The following COX11 variants were observed in gnomAD, a reference collection of about 807,000 sequenced individuals.
COX11 encodes cytochrome c oxidase assembly protein COX11, mitochondrial.
In COX11, 18 loss-of-function variants were observed where a neutral mutation model predicts 29.4. The observed-to-expected ratio is 0.61, with a 90% CI of 0.42 to 0.91. The LOEUF is 0.91. Among genes scored for constraint, COX11 ranks in the 40% least tolerant of loss-of-function variants. The pLI is 0.00. For missense variants in COX11, 312 were observed against 346.0 expected (o/e 0.90, Z 0.78); for synonymous variants, 131 against 124.0 (o/e 1.06, Z -0.38).
chr17:54,964,039 G>C (rs2077177890), intron 2 of COX11, among the ~76,000 whole-genome samples: 2 of 152,100 alleles, frequency 1.3e-5, no homozygotes, highest in African/African-American at 4.8e-5. Flanking sequence ...TTTATTAAGA[G>C]ATTCAGTCAT....
intron 1 of COX11, among the ~76,000 whole-genome samples, chr17:54,966,204 A>G (rs539299032): frequency 5.9e-5 from 9 of 152,332 alleles, no homozygotes; most frequent in African/African-American, 1.9e-4. Flanking sequence ...GTCCTCCCTC[A>G]ATAAAGATTC....
At chr17:54,963,278 A>G (rs1231127167) in intron 3 of COX11, 28 bp downstream of exon 3, 1 of 1,598,070 alleles carries the variant, frequency 6.3e-7, no homozygotes, top group Non-Finnish European at 8.5e-7. Flanking sequence ...TCTTTATCAT[A>G]TTCTGTAAAG....
At chr17:54,958,748 A>AG (rs57608062), downstream of COX11, among the ~76,000 whole-genome samples, 9 of 118,928 alleles carry the variant, frequency 7.6e-5, 2 homozygotes, top group African/African-American at 9.3e-5. Flanking sequence ...AAAAAAAAAA[A>AG]GGGGTTGTTG....
At chr17:54,966,230 A>C (rs1007030961) in intron 1 of COX11, among the ~76,000 whole-genome samples, 3 of 152,220 alleles carry the variant, frequency 2.0e-5, no homozygotes, top group Non-Finnish European at 2.9e-5. Flanking sequence ...TAGTCTTTGA[A>C]TATGGGTTCA....
At position 54,960,768 on chromosome 17, in the gene COX11, A is replaced by G. The variant is rs940296377; in HGVS notation, c.*1965T>C. ...AAATATGAGTTCCCCTGAATCATTCAAATTGTGCTGAACCATTGTTCACTA... is the reference window on the plus strand; with the variant it reads ...AAATATGAGTTCCCCTGAATCATTCGAATTGTGCTGAACCATTGTTCACTA... On this transcript the variant is annotated 3_prime_UTR_variant, in exon 4 of 4. Transcript: ENST00000299335. 15 of 658,470 alleles carry G rather than the reference A, an allele frequency of 2.3e-5. No homozygotes were observed. The highest frequency in any genetic ancestry group is 4.0e-5 in the Non-Finnish European group (15 of 371,918). 40.8% of individuals were successfully genotyped at this position (658,470 alleles called of 1,614,324 possible).
At chr17:54,963,631 C>T (rs1170469707) in intron 2 of COX11, among the ~76,000 whole-genome samples, 200 bp from the exon 3 acceptor site, 3 of 152,012 alleles carry the variant, frequency 2.0e-5, no homozygotes, top group Non-Finnish European at 2.9e-5. Context: ...CAATGAAGAA[C>T]CAATGTTCTA....
At chr17:54,952,244 TCAAA>T (rs765149643) in exon 1 of COX11, 1 of 152,124 alleles carries the variant, frequency 6.6e-6, no homozygotes, top group African/African-American at 2.4e-5. Flanking sequence ...TGAGAACTTC[TCAAA>T]CAGAATTAGA....
Position 54,962,479 on chromosome 17 carries a change from G to A in COX11, c.*254C>T, listed in dbSNP as rs185535300. On this transcript the variant is annotated 3_prime_UTR_variant, in exon 4 of 4. Coordinates refer to ENST00000299335, the MANE Select transcript of COX11 (RefSeq NM_004375.5). ...TGCCTGCATATTTAAAAAACAAAGC[G>A]GCTTATTTTAATAGTATCAAACTCT... 2.6e-5 allele frequency: 28 copies of A among 1,086,328 alleles called. No individual in the cohort carries two copies. Among genetic ancestry groups the A allele is most frequent in the Middle Eastern group, 4.1e-4 (1 of 2,422 alleles). The allele number at this position is 1,086,328 out of a possible 1,614,324, so 67.3% of individuals were successfully genotyped here.
At chr17:54,968,012 G>A (rs371635229) in intron 1 of COX11, among the ~76,000 whole-genome samples, 1 of 10,570 alleles carries the variant, frequency 9.5e-5, no homozygotes, top group Non-Finnish European at 2.3e-4. Flanking sequence ...TTTTTTTTTT[G>A]GCGAGGTGCA....
intron 1 of COX11, among the ~76,000 whole-genome samples, chr17:54,965,667 A>T (rs2077204300): frequency 6.6e-6 from 1 of 152,122 alleles, no homozygotes; most frequent in South Asian, 2.1e-4. Flanking sequence ...TCTCTATTAA[A>T]AATAGAAAAA....
chr17:54,968,514 C>T lies in COX11; in HGVS notation c.133G>A (p.Gly45Ser). ...FLRPEWSGTG[G>S]AERGLRWLGT... ...AGCCACCTCAGTCCTCTCTCGGCAC[C>T]TCCTGTCCCACTCCACTCTGGCCTA... Residue 45 changes from glycine to serine, a missense_variant, in exon 1 of 4, where the codon GGT becomes AGT. Gly to Ser is a moderately conservative substitution (Grantham distance 56, BLOSUM62 0). This residue lies in a region of COX11 where 130 missense variants were observed against 106.0 expected (regional missense o/e 1.23). Transcript: ENST00000299335. 1 of 1,613,390 alleles carries T rather than the reference C, an allele frequency of 6.2e-7. No individual in the cohort carries two copies. Among genetic ancestry groups the T allele is most frequent in the Non-Finnish European group, 8.5e-7 (1 of 1,180,012 alleles).
chr17:54,967,956 G>A (rs1267769451), intron 1 of COX11, among the ~76,000 whole-genome samples: 2 of 150,862 alleles, frequency 1.3e-5, no homozygotes, highest in East Asian at 2.0e-4. Context: ...GCGCAGGAGG[G>A]TAAGGCAGAC....
intron 1 of COX11, among the ~76,000 whole-genome samples, chr17:54,965,429 A>G (rs1159630728): frequency 6.6e-6 from 1 of 152,220 alleles, no homozygotes; most frequent in Non-Finnish European, 1.5e-5. Context: ...TTCTCTGTAT[A>G]GTAGAGCTTT....
At chr17:54,955,605 C>G (rs935467259), downstream of COX11, among the ~76,000 whole-genome samples, 6 of 152,128 alleles carry the variant, frequency 3.9e-5, no homozygotes, top group Non-Finnish European at 8.8e-5. Flanking sequence ...ACAGTTATAC[C>G]ACGTAGGGAA....
downstream of COX11, chr17:54,957,811 A>C (rs1365756470): frequency 6.6e-6 from 1 of 152,208 alleles, no homozygotes; most frequent in African/African-American, 2.4e-5. Context: ...GCCAGGGACT[A>C]TGACTGGACT....
intron 1 of COX11, among the ~76,000 whole-genome samples, chr17:54,967,907 A>G (rs546660599): frequency 6.6e-6 from 1 of 151,874 alleles, no homozygotes; most frequent in African/African-American, 2.4e-5. Flanking sequence ...TGTGGTTTGC[A>G]GAGTGAATGT....
At chr17:54,956,480 G>C (rs1268689165), downstream of COX11, among the ~76,000 whole-genome samples, 1 of 152,058 alleles carries the variant, frequency 6.6e-6, no homozygotes, top group African/African-American at 2.4e-5. Context: ...TAATTTTTTT[G>C]TATATTTAGT....
intron 1 of COX11, among the ~76,000 whole-genome samples, chr17:54,966,865 C>T (rs1381131409): frequency 1.3e-5 from 2 of 152,146 alleles, no homozygotes; most frequent in African/African-American, 4.8e-5. Context: ...TCTTCTGCTT[C>T]ATCATCTAAA....
At position 54,961,615 on chromosome 17, in the gene COX11, G is replaced by T; in HGVS notation, c.*1118C>A. ...ATGAAATAATTCTGAATAGATGAAA[G>T]CATAAAATGTGAGAAACTGAATGTA... On this transcript the variant is annotated 3_prime_UTR_variant, in exon 4 of 4. Transcript: ENST00000299335. The T allele has an allele frequency of 8.8e-7, 1 of 1,133,484 alleles. No homozygotes were observed. The highest frequency in any genetic ancestry group is 1.1e-6 in the Non-Finnish European group (1 of 924,740). The allele number at this position is 1,133,484 out of a possible 1,614,324, so 70.2% of individuals were successfully genotyped here.
Sources: allele counts gnomAD v4.1 joint callset (sites outside exome capture counted in the v4.1 genomes callset), GRCh38; gene constraint gnomAD v4.1.1; regional missense constraint gnomAD v4.1.1; transcripts MANE v1.5; gene names NCBI Gene and HGNC (gene_info 2026-07-23, HGNC 2026-07-21).